The following PPARA variants were observed in gnomAD, a reference collection of about 807,000 sequenced individuals.
The protein encoded by PPARA is peroxisome proliferator activated receptor alpha.
A neutral mutation model predicts 42.2 loss-of-function variants in PPARA; 22 were observed. That is an observed-to-expected ratio of 0.52 (90% confidence interval 0.37 to 0.74). PPARA has a LOEUF of 0.74. Ranked by LOEUF, PPARA falls within the 30% of genes least tolerant of loss-of-function variation. The probability of loss-of-function intolerance (pLI) is 0.00; values close to 1 mark genes in which losing one functional copy is unlikely to be tolerated. For missense variants in PPARA, 465 were observed against 608.2 expected, an observed-to-expected ratio of 0.76 and a Z score of 2.48; for synonymous variants, 242 against 239.3, an observed-to-expected ratio of 1.01 and a Z score of -0.10.
In PPARA at chr22:46,200,093, G is replaced by A. The variant is rs1427469185; in HGVS notation, c.208+1502G>A. ...AAACAGACATACACCTATTGCAAAG[G>A]GCATCTCAGCTTTAAGGACTCAGTC... On this transcript the variant is annotated intron_variant, in intron 4 of 8. Coordinates refer to ENST00000407236, the MANE Select transcript of PPARA (RefSeq NM_005036.6). This position sits in a 1 kb window ranked among gnomAD's most constrained non-coding sequence, Gnocchi z 4.8. 6.6e-6 allele frequency among the ~76,000 whole-genome samples: 1 copy of A among 152,162 alleles called. No individual in the cohort carries two copies. The highest frequency in any genetic ancestry group is 1.5e-5 in the Non-Finnish European group (1 of 68,040).
chr22:46,175,000 C>G (rs930687285), intron 2 of PPARA, among the ~76,000 whole-genome samples: 1 of 151,640 alleles, frequency 6.6e-6, no homozygotes, highest in East Asian at 1.9e-4. Flanking sequence ...CAACCTCTGT[C>G]TCCTGGATTC....
At chr22:46,174,209 A>G (rs867564079) in intron 2 of PPARA, among the ~76,000 whole-genome samples, 2 of 32,664 alleles carry the variant, frequency 6.1e-5, no homozygotes, top group Middle Eastern at 0.032. Context: ...AGAGAGAGAG[A>G]GAGAGAGAGG....
rs759954168 is a variant in PPARA at position 46,193,347 on chromosome 22, T to A, written c.-42-4995T>A. On this transcript the variant is annotated intron_variant, in intron 3 of 8. Transcript: ENST00000407236. The surrounding 1 kb of genome is among the most constrained non-coding windows in gnomAD (Gnocchi z 5.3). ...CTCCCAAATGCTCAGATTACAGGCG[T>A]GAGCCACCGCACCTGGCCACTGTTT... Among the ~76,000 whole-genome samples the A allele has an allele frequency of 7.9e-5, 12 of 152,148 alleles. No individual in the cohort carries two copies. The highest frequency in any genetic ancestry group is 1.3e-4 in the Non-Finnish European group (9 of 68,032).
chr22:46,162,663 G>A lies in PPARA; in HGVS notation c.-127+10693G>A, dbSNP rs567634494. Among the ~76,000 whole-genome samples, 4 of 152,252 alleles carry A rather than the reference G, an allele frequency of 2.6e-5. No individual in the cohort carries two copies. The highest frequency in any genetic ancestry group is 1.9e-4 in the East Asian group (1 of 5,174). On this transcript the variant is annotated intron_variant, in intron 2 of 8. Coordinates refer to ENST00000407236, the MANE Select transcript of PPARA (RefSeq NM_005036.6). The surrounding 1 kb of genome is among the most constrained non-coding windows in gnomAD (Gnocchi z 6.0). ...TGGCTCATCACTCATGGTTGAACCC[G>A]GAGCCTCTTGCTGGTAGGTGCTTCA...
chr22:46,170,470 A>G (rs1236911625), intron 2 of PPARA, among the ~76,000 whole-genome samples: 1 of 144,684 alleles, frequency 6.9e-6, no homozygotes, highest in African/African-American at 2.7e-5. Flanking sequence ...GCTGGTCTCA[A>G]ACTCCTGGAC....
intron 3 of PPARA, among the ~76,000 whole-genome samples, chr22:46,178,453 G>A (rs1601660273): frequency 6.6e-6 from 1 of 152,212 alleles, no homozygotes; most frequent in Non-Finnish European, 1.5e-5. Context: ...GGTGTGGCTT[G>A]AGAGAGTTTC....
In PPARA at chr22:46,219,921, G is replaced by A. The variant is rs777932803; in HGVS notation, c.618G>A (p.Leu206=). The A allele has an allele frequency of 7.4e-6, 12 of 1,613,994 alleles. No individual in the cohort carries two copies. The highest frequency in any genetic ancestry group is 1.7e-5 in the Admixed American group (1 of 59,984). ...EDSETADLKS[L]AKRIYEAYLK... ...CTGAAACTGCAGATCTCAAATCTCT[G>A]GCCAAGAGAATCTACGAGGCCTACT... Residue 206 remains leucine, a synonymous_variant, in exon 7 of 9, where the codon CTG becomes CTA. Coordinates refer to ENST00000407236, the MANE Select transcript of PPARA (RefSeq NM_005036.6). This position sits in a 1 kb window ranked among gnomAD's most constrained non-coding sequence, Gnocchi z 4.8.
At chr22:46,174,241 A>G (rs375629830) in intron 2 of PPARA, among the ~76,000 whole-genome samples, 2 of 1,048 alleles carry the variant, frequency 1.9e-3, no homozygotes, top group African/African-American at 0.018. Flanking sequence ...AGAGAGAGAA[A>G]GAAAGAAAGA....
In PPARA at chr22:46,188,385, G is replaced by C. The variant is rs145701959; in HGVS notation, c.-42-9957G>C. Among the ~76,000 whole-genome samples the C allele has an allele frequency of 5.5e-4, 84 of 152,222 alleles. No homozygotes were observed. The highest frequency in any genetic ancestry group is 1.9e-3 in the African/African-American group (77 of 41,532). ...TGGCCCTTACCCTCCTTTCTGTTGG[G>C]TTTTCCTATGGAATATCCAGTCAGC... On this transcript the variant is annotated intron_variant, in intron 3 of 8. Coordinates refer to ENST00000407236, the MANE Select transcript of PPARA (RefSeq NM_005036.6). The surrounding 1 kb of genome is among the most constrained non-coding windows in gnomAD (Gnocchi z 5.0).
chr22:46,215,317 C>T lies in PPARA; in HGVS notation c.353C>T (p.Ala118Val), dbSNP rs1337407585. Residue 118 changes from alanine to valine, a missense_variant, in exon 5 of 9, where the codon GCG (alanine) becomes GTG (valine). Coordinates refer to ENST00000407236, the MANE Select transcript of PPARA (RefSeq NM_005036.6). ...KASGYHYGVHACEGCKGFFRR... is the reference protein window; with the variant it reads ...KASGYHYGVHVCEGCKGFFRR... Reference sequence around the variant, plus strand: ...TCAGGCTATCATTACGGAGTCCACGCGTGTGAAGGCTGCAAGGTAGAGGGG... The same window carrying T: ...TCAGGCTATCATTACGGAGTCCACGTGTGTGAAGGCTGCAAGGTAGAGGGG... 1.9e-6 allele frequency: 3 copies of T among 1,613,960 alleles called. No individual in the cohort carries two copies. Among genetic ancestry groups the T allele is most frequent in the African/African-American group, 1.3e-5 (1 of 74,894 alleles).
At chr22:46,172,507 A>C (rs1928249050) in intron 2 of PPARA, among the ~76,000 whole-genome samples, 1 of 152,018 alleles carries the variant, frequency 6.6e-6, no homozygotes, top group African/African-American at 2.4e-5. Flanking sequence ...AGTTCCAGCT[A>C]CTCAGGAGGC....
In PPARA at chr22:46,212,491, A is replaced by G. The variant is rs1601763927; in HGVS notation, c.209-2682A>G. Among the ~76,000 whole-genome samples, 1 of 152,210 alleles carries G rather than the reference A, an allele frequency of 6.6e-6. No individual in the cohort carries two copies. The highest frequency in any genetic ancestry group is 2.1e-4 in the South Asian group (1 of 4,830). ...CCATTGCTATAATTTTGCCTTTTCC[A>G]GAACGCCATGAATTTGAAATCATAT... On this transcript the variant is annotated intron_variant, in intron 4 of 8. Coordinates refer to ENST00000407236, the MANE Select transcript of PPARA (RefSeq NM_005036.6). This position sits in a 1 kb window ranked among gnomAD's most constrained non-coding sequence, Gnocchi z 4.2.
At chr22:46,220,838 G>C (rs1934943262) in intron 7 of PPARA, among the ~76,000 whole-genome samples, 1 of 151,868 alleles carries the variant, frequency 6.6e-6, no homozygotes, top group African/African-American at 2.4e-5. Context: ...AGCTACTTGG[G>C]TGGCTTAGGC....
chr22:46,193,357 C>T lies in PPARA; in HGVS notation c.-42-4985C>T, dbSNP rs1043613815. Among the ~76,000 whole-genome samples, 3 of 152,288 alleles carry T rather than the reference C, an allele frequency of 2.0e-5. No individual in the cohort carries two copies. Among genetic ancestry groups the T allele is most frequent in the East Asian group, 1.9e-4 (1 of 5,186 alleles). The stretch of plus-strand genomic sequence containing the variant: ...CTCAGATTACAGGCGTGAGCCACCG[C>T]ACCTGGCCACTGTTTGATAGCATAA... On this transcript the variant is annotated intron_variant, in intron 3 of 8. Transcript: ENST00000407236. The surrounding 1 kb of genome is among the most constrained non-coding windows in gnomAD (Gnocchi z 5.3).
At chr22:46,213,880 C>T (rs528159232) in intron 4 of PPARA, among the ~76,000 whole-genome samples, 4 of 152,354 alleles carry the variant, frequency 2.6e-5, no homozygotes, top group South Asian at 4.1e-4. Context: ...TGAGCCACCA[C>T]GCCTAGCCCC....
At chr22:46,164,940 G>A (rs1435062120) in intron 2 of PPARA, 2 of 152,178 alleles carry the variant, frequency 1.3e-5, no homozygotes, top group Non-Finnish European at 2.9e-5. Flanking sequence ...AAGACGAGTA[G>A]CTATTTCAAA....
Position 46,216,298 on chromosome 22 carries a change from G to T in PPARA, c.369+965G>T, listed in dbSNP as rs1411135082. On this transcript the variant is annotated intron_variant, in intron 5 of 8. Coordinates refer to ENST00000407236, the MANE Select transcript of PPARA (RefSeq NM_005036.6). This position sits in a 1 kb window ranked among gnomAD's most constrained non-coding sequence, Gnocchi z 4.5. ...CTTGGGAGGCTGAAGCAGGAGAATT[G>T]CTTGAACTCAGGAGGCGGAGGTTGC... Among the ~76,000 whole-genome samples, 1 of 151,654 alleles carries T rather than the reference G, an allele frequency of 6.6e-6. No individual in the cohort carries two copies. Among genetic ancestry groups the T allele is most frequent in the Non-Finnish European group, 1.5e-5 (1 of 67,968 alleles).
chr22:46,160,785 G>C lies in PPARA; in HGVS notation c.-127+8815G>C, dbSNP rs1351160950. On this transcript the variant is annotated intron_variant, in intron 2 of 8. Transcript: ENST00000407236. The surrounding 1 kb of genome is among the most constrained non-coding windows in gnomAD (Gnocchi z 4.5). ...CCAACTAGATTTTGTGTTTTTTGTAGAGATGGGGTTTAGCCATGTTCAGCT... is the reference window on the plus strand; with the variant it reads ...CCAACTAGATTTTGTGTTTTTTGTACAGATGGGGTTTAGCCATGTTCAGCT... Among the ~76,000 whole-genome samples the C allele has an allele frequency of 6.6e-6, 1 of 152,166 alleles. No individual in the cohort carries two copies. Among genetic ancestry groups the C allele is most frequent in the East Asian group, 1.9e-4 (1 of 5,194 alleles).
Position 46,236,638 on chromosome 22 carries a change from G to C in PPARA, c.*1258G>C, listed in dbSNP as rs187852539. The C allele has an allele frequency of 7.9e-5, 12 of 152,772 alleles. No individual in the cohort carries two copies. In the East Asian group the frequency reaches 2.1e-3, roughly 27 times the overall value. 9.5% of individuals were successfully genotyped at this position (152,772 alleles called of 1,614,324 possible). Reference sequence around the variant, plus strand: ...TTTGTTATGTTGCTTTTAAAGATATGATGTTTTATTGTTTTAACTCTTGGT... The same window carrying C: ...TTTGTTATGTTGCTTTTAAAGATATCATGTTTTATTGTTTTAACTCTTGGT... On this transcript the variant is annotated 3_prime_UTR_variant, in exon 9 of 9. Coordinates refer to ENST00000407236, the MANE Select transcript of PPARA (RefSeq NM_005036.6). The surrounding 1 kb of genome is among the most constrained non-coding windows in gnomAD (Gnocchi z 5.2).
Sources: gnomAD v4.1 joint callset for allele counts (sites outside exome capture counted in the v4.1 genomes callset) on GRCh38, gnomAD v4.1.1 for gene constraint, Gnocchi (gnomAD v3.1) non-coding constraint, MANE v1.5 for transcripts, NCBI Gene and HGNC (gene_info 2026-07-23, HGNC 2026-07-21) for gene names.